The following SLC16A4 variants were observed in gnomAD, a reference collection of about 807,000 sequenced individuals.
The protein encoded by SLC16A4 is probable monocarboxylate transporter 5.
In SLC16A4, 39 loss-of-function variants were observed where a neutral mutation model predicts 47.9. The ratio of observed to expected loss-of-function variants is 0.81; its 90% CI spans 0.63 to 1.06. The LOEUF (loss-of-function observed/expected upper bound fraction) is 1.06, where lower values mean the gene tolerates loss of function less well. Ranked by LOEUF, SLC16A4 falls within the 50% of genes least tolerant of loss-of-function variation. The probability of loss-of-function intolerance (pLI) is 0.00; values close to 1 mark genes in which losing one functional copy is unlikely to be tolerated. For missense variants in SLC16A4, 524 were observed against 573.8 expected, an observed-to-expected ratio of 0.91 and a Z score of 0.89; for synonymous variants, 189 against 199.9, an observed-to-expected ratio of 0.95 and a Z score of 0.46.
Position 110,380,870 on chromosome 1 carries a change from A to C in SLC16A4, c.526+112T>G, listed in dbSNP as rs552548102. 6.6e-6 allele frequency: 6 copies of C among 908,256 alleles called. No individual in the cohort carries two copies. In the South Asian group the frequency reaches 9.1e-5, roughly 14 times the overall value. The allele number at this position is 908,256 out of a possible 1,614,324, so 56.3% of individuals were successfully genotyped here. On this transcript the variant is annotated intron_variant, in intron 5 of 8. Coordinates refer to ENST00000369779, the MANE Select transcript of SLC16A4 (RefSeq NM_004696.3). ...AAATTATGCTCATTTCCTCTCTTGCAATACCTTGTGAAATCGATTGCTCTG... is the reference window on the plus strand; with the variant it reads ...AAATTATGCTCATTTCCTCTCTTGCCATACCTTGTGAAATCGATTGCTCTG...
At chr1:110,374,108 C>T (rs964379942) in intron 8 of SLC16A4, among the ~76,000 whole-genome samples, 4 of 151,682 alleles carry the variant, frequency 2.6e-5, no homozygotes, top group South Asian at 2.1e-4. Context: ...AAAGTGAAGT[C>T]GGCTCACTGC....
chr1:110,366,419 T>TA (rs1325748729), intron 8 of SLC16A4, among the ~76,000 whole-genome samples: 2 of 152,146 alleles, frequency 1.3e-5, no homozygotes, highest in African/African-American at 4.8e-5. Flanking sequence ...CTCAGCCTTC[T>TA]AAAGTGCTTG....
At position 110,377,164 on chromosome 1, in the gene SLC16A4, G is replaced by T; in HGVS notation, c.1031-3C>A. On this transcript the variant is annotated splice_region_variant and splice_polypyrimidine_tract_variant and intron_variant, in intron 6 of 8. Coordinates refer to ENST00000369779, the MANE Select transcript of SLC16A4 (RefSeq NM_004696.3). ...CTGACTGACCGTCTCAAGGATACCT[G>T]GAACAATATTGAAATCTTTTTATTT... The T allele has an allele frequency of 6.2e-7, 1 of 1,610,924 alleles. No homozygotes were observed. The highest frequency in any genetic ancestry group is 1.1e-5 in the South Asian group (1 of 90,834).
intron 2 of SLC16A4, 29 bp from the exon 3 acceptor site, chr1:110,382,995 C>A (rs1312394687): frequency 6.4e-7 from 1 of 1,563,270 alleles, no homozygotes; most frequent in Non-Finnish European, 8.7e-7. Flanking sequence ...GAGTCCAACT[C>A]AGGTGGTAAG....
chr1:110,386,994 A>C (rs1465582174), intron 2 of SLC16A4, among the ~76,000 whole-genome samples: 1 of 152,142 alleles, frequency 6.6e-6, no homozygotes, highest in Non-Finnish European at 1.5e-5. Context: ...CTGAAATGCA[A>C]ATCTATCACA....
chr1:110,389,413 A>C, intron 1 of SLC16A4, 58 bp from the exon 2 acceptor site: 1 of 1,047,428 alleles, frequency 9.5e-7, no homozygotes, highest in Non-Finnish European at 1.5e-6. Context: ...AAACTTTTAA[A>C]CTTTTTATCT....
intron 8 of SLC16A4, 133 bp downstream of exon 8, chr1:110,375,325 G>A (rs1661930883): frequency 1.6e-6 from 1 of 642,974 alleles, no homozygotes; most frequent in Non-Finnish European, 2.8e-6. Flanking sequence ...GGTGGAGTGA[G>A]TAGATATAGG....
At chr1:110,368,651 C>G (rs17025692) in intron 8 of SLC16A4, among the ~76,000 whole-genome samples, 12,589 of 152,146 alleles carry the variant, frequency 0.083, 647 homozygotes, top group Admixed American at 0.16. Flanking sequence ...GCAGAAATGT[C>G]TAGTAATGTT....
intron 2 of SLC16A4, 103 bp downstream of exon 2, chr1:110,389,134 G>T: frequency 2.0e-6 from 2 of 1,017,604 alleles, no homozygotes; most frequent in Non-Finnish European, 3.1e-6. Context: ...CCACTCAGAT[G>T]CCAAAGATTT....
intron 7 of SLC16A4, among the ~76,000 whole-genome samples, chr1:110,376,051 AT>A (rs1172407931): frequency 1.3e-5 from 2 of 151,584 alleles, no homozygotes; most frequent in African/African-American, 4.9e-5. Context: ...TAATTTTTTT[AT>A]TTTTTGTAGA....
intron 7 of SLC16A4, among the ~76,000 whole-genome samples, chr1:110,376,188 T>C (rs1661989434): frequency 6.6e-6 from 1 of 152,180 alleles, no homozygotes; most frequent in Non-Finnish European, 1.5e-5. Context: ...GACGGTGATA[T>C]TCTTGAATCC....
chr1:110,380,878 G>T, intron 5 of SLC16A4, 104 bp downstream of exon 5: 2 of 991,082 alleles, frequency 2.0e-6, no homozygotes, highest in Non-Finnish European at 3.1e-6. Flanking sequence ...GCAATACCTT[G>T]TGAAATCGAT....
Position 110,380,963 on chromosome 1 carries a change from T to C in SLC16A4, c.526+19A>G. 6.2e-7 allele frequency: 1 copy of C among 1,610,852 alleles called. No individual in the cohort carries two copies. The highest frequency in any genetic ancestry group is 8.5e-7 in the Non-Finnish European group (1 of 1,177,190). ...TAAATCTTGCACAGTTGATAGTAAA[T>C]AAACTTAGAATGACGTACCTGTCCA... On this transcript the variant is annotated intron_variant, in intron 5 of 8. Coordinates refer to ENST00000369779, the MANE Select transcript of SLC16A4 (RefSeq NM_004696.3).
chr1:110,364,823 T>C (rs1661290453), intron 8 of SLC16A4, among the ~76,000 whole-genome samples: 1 of 152,084 alleles, frequency 6.6e-6, no homozygotes, highest in Non-Finnish European at 1.5e-5. Flanking sequence ...AAGTGCTTTT[T>C]AAAAGCATAA....
chr1:110,364,037 CTGA>C, intron 8 of SLC16A4, 144 bp from the exon 9 acceptor site: 1 of 717,334 alleles, frequency 1.4e-6, no homozygotes, highest in Non-Finnish European at 2.1e-6. Flanking sequence ...CTATTTTTCA[CTGA>C]TGAAGTTGAA....
At chr1:110,366,811 G>A (rs1057036600) in intron 8 of SLC16A4, among the ~76,000 whole-genome samples, 1 of 152,130 alleles carries the variant, frequency 6.6e-6, no homozygotes, top group African/African-American at 2.4e-5. Flanking sequence ...TGTTTAGCAT[G>A]TTTTAGAATT....
intron 8 of SLC16A4, chr1:110,372,003 T>C (rs1043867459): frequency 6.6e-6 from 1 of 152,206 alleles, no homozygotes; most frequent in Non-Finnish European, 1.5e-5. Flanking sequence ...GGTGTGTAAT[T>C]TTCTTGCCCG....
chr1:110,380,759 C>T (rs1662333684), intron 5 of SLC16A4, among the ~76,000 whole-genome samples: 1 of 152,160 alleles, frequency 6.6e-6, no homozygotes, highest in South Asian at 2.1e-4. Flanking sequence ...TTCTGAGTTG[C>T]TTGTGTGAGC....
intron 8 of SLC16A4, chr1:110,370,257 C>T (rs949451269): frequency 6.6e-6 from 1 of 151,884 alleles, no homozygotes; most frequent in African/African-American, 2.4e-5. Flanking sequence ...TTTTTTTCCC[C>T]CCACAGAACA....
Sources: gnomAD v4.1 joint callset for allele counts (sites outside exome capture counted in the v4.1 genomes callset) on GRCh38, gnomAD v4.1.1 for gene constraint, MANE v1.5 for transcripts, NCBI Gene and HGNC (gene_info 2026-07-23, HGNC 2026-07-21) for gene names.